Variants in PTPRO observed in about 807,000 individuals in gnomAD.
The protein encoded by PTPRO is protein tyrosine phosphatase receptor type O, also known as receptor-type tyrosine-protein phosphatase O.
Under a neutral mutation model 145.2 loss-of-function variants are expected in PTPRO, and 62 were observed. That is an observed-to-expected ratio of 0.43 (90% confidence interval 0.35 to 0.53). The LOEUF is 0.53. Among genes scored for constraint, PTPRO ranks in the 20% least tolerant of loss-of-function variants. The pLI is 0.01. For synonymous variants in PTPRO, 565 were observed against 514.7 expected (o/e 1.10, Z -1.32); for missense variants, 1,345 against 1,482.7 (o/e 0.91, Z 1.53).
At position 15,583,161 on chromosome 12, in the gene PTPRO, A is replaced by T. The variant is rs533816158; in HGVS notation, c.3255+1360A>T. ...GCCTTTTGGATAAAGCCCATGAGCT[A>T]AGAATGGTTTTTACATTTTTTAATG... On this transcript the variant is annotated intron_variant, in intron 23 of 26. Transcript: ENST00000281171. 3.3e-5 allele frequency among the ~76,000 whole-genome samples: 5 copies of T among 152,326 alleles called. No homozygotes were observed. In the East Asian group the frequency reaches 9.6e-4, roughly 29 times the overall value.
chr12:15,458,850 T>G (rs1366359304), intron 1 of PTPRO, among the ~76,000 whole-genome samples: 2 of 152,168 alleles, frequency 1.3e-5, no homozygotes, highest in Non-Finnish European at 2.9e-5. Context: ...TTCTGGAGAT[T>G]AATCTTGTAC....
chr12:15,448,349 A>AAAAAAAAAAAAAAAAAAAAAAAAAAC (rs1193102294), intron 1 of PTPRO, among the ~76,000 whole-genome samples: 2 of 147,374 alleles, frequency 1.4e-5, no homozygotes, highest in Non-Finnish European at 3.0e-5. Context: ...TAAAAAAAAA[A>AAAAAAAAAAAAAAAAAAAAAAAAAAC]AAAAAAAAAA....
intron 1 of PTPRO, among the ~76,000 whole-genome samples, chr12:15,455,696 G>C (rs1254003533): frequency 6.6e-6 from 1 of 152,082 alleles, no homozygotes; most frequent in African/African-American, 2.4e-5. Context: ...GATTTTGTAT[G>C]TTGATTTTGT....
Position 15,484,132 on chromosome 12 carries a change from G to T in PTPRO, c.234G>T (p.Leu78Phe). The T allele has an allele frequency of 2.5e-6, 4 of 1,613,756 alleles. No individual in the cohort carries two copies. The highest frequency in any genetic ancestry group is 3.4e-6 in the Non-Finnish European group (4 of 1,179,796). The part of the protein sequence containing the change: ...FFEFEEFNST[L>F]PPPVIFKASY... Reference sequence around the variant, plus strand: ...AATTTGAGGAATTCAACAGCACTTTGCCTCCTCCTGTTATTTTCAAGGCCA... The same window carrying T: ...AATTTGAGGAATTCAACAGCACTTTTCCTCCTCCTGTTATTTTCAAGGCCA... The change falls in exon 2 of 27, where the codon TTG (leucine) becomes TTT (phenylalanine). Residue 78 changes from leucine to phenylalanine, a missense_variant. Leu to Phe is a conservative substitution (Grantham distance 22). Transcript: ENST00000281171.
intron 7 of PTPRO, among the ~76,000 whole-genome samples, chr12:15,509,061 A>T (rs1258375177): frequency 6.6e-6 from 1 of 152,242 alleles, no homozygotes; most frequent in Non-Finnish European, 1.5e-5. Context: ...GGAAATTTTT[A>T]AACATCCTGC....
intron 7 of PTPRO, among the ~76,000 whole-genome samples, chr12:15,514,021 G>A (rs1048933039): frequency 2.6e-5 from 4 of 152,160 alleles, no homozygotes; most frequent in Admixed American, 2.6e-4. Context: ...GAAGGTCAAA[G>A]CAGCACCTTA....
chr12:15,359,565 G>A (rs1782738258), intron 1 of PTPRO, among the ~76,000 whole-genome samples: 1 of 141,508 alleles, frequency 7.1e-6, no homozygotes, highest in South Asian at 2.3e-4. Flanking sequence ...ACCACGCCTA[G>A]CTAATTTTAT....
rs1565675940 is a variant in PTPRO, at chr12:15,513,214, AAAGAAAG to A, written c.1465-2281_1465-2275del. Reference sequence around the variant, plus strand: ...GAAAGAAAGAAAGAAAGAAAGAAAGAAAGAAAGAAAGAAAAGAAAGAAAGAGGGAGGG... The same window carrying A: ...GAAAGAAAGAAAGAAAGAAAGAAAGAAAAGAAAAGAAAGAAAGAGGGAGGG... On this transcript the variant is annotated intron_variant, in intron 7 of 26. Coordinates refer to ENST00000281171, the MANE Select transcript of PTPRO (RefSeq NM_030667.3). 7.9e-5 allele frequency among the ~76,000 whole-genome samples: 10 copies of A among 127,346 alleles called. 1 individual carries two copies. Among genetic ancestry groups the A allele is most frequent in the Non-Finnish European group, 1.5e-4 (9 of 59,152 alleles). 83.5% of individuals were successfully genotyped at this position (127,346 alleles called of 152,430 possible).
chr12:15,525,388 T>C (rs746103252), intron 11 of PTPRO, among the ~76,000 whole-genome samples: 2 of 152,098 alleles, frequency 1.3e-5, no homozygotes, highest in Non-Finnish European at 2.9e-5. Context: ...ACTACTGTAA[T>C]AAAGAAACAA....
chr12:15,429,747 A>G (rs1205196284), intron 1 of PTPRO, among the ~76,000 whole-genome samples: 1 of 152,196 alleles, frequency 6.6e-6, no homozygotes, highest in African/African-American at 2.4e-5. Flanking sequence ...AATGTTCTGA[A>G]TGCAATGTAG....
chr12:15,566,456 G>A (rs760736993), intron 18 of PTPRO, among the ~76,000 whole-genome samples: 10 of 151,896 alleles, frequency 6.6e-5, no homozygotes, highest in Non-Finnish European at 1.2e-4. Flanking sequence ...TAATTTTATG[G>A]CATATATGAA....
chr12:15,515,366 G>A lies in PTPRO; in HGVS notation c.1465-132G>A, dbSNP rs115367462. On this transcript the variant is annotated intron_variant, in intron 7 of 26. Coordinates refer to ENST00000281171, the MANE Select transcript of PTPRO (RefSeq NM_030667.3). ...ATCATCCTAATTTTGGAATCTGACAGCTTCAGTAAAGCCTTCTGGATTTCA... is the reference window on the plus strand; with the variant it reads ...ATCATCCTAATTTTGGAATCTGACAACTTCAGTAAAGCCTTCTGGATTTCA... 1.5e-3 allele frequency: 1,727 copies of A among 1,187,646 alleles called. 23 individuals are homozygous for A. The African/African-American group carries it at 0.024, about 16-fold the overall frequency. 73.6% of individuals were successfully genotyped at this position (1,187,646 alleles called of 1,614,324 possible).
At position 15,341,389 on chromosome 12, in the gene PTPRO, T is replaced by C. The variant is rs77087697; in HGVS notation, c.75+18588T>C. Among the ~76,000 whole-genome samples, 989 of 152,280 alleles carry C rather than the reference T, an allele frequency of 6.5e-3. 10 individuals are homozygous for C. Among genetic ancestry groups the C allele is most frequent in the African/African-American group, 0.023 (948 of 41,580 alleles). ...AGAAAGTTATTAGTTAAGCAGGCTA[T>C]GTCATACCCCCTCCTCTGTAAATTG... On this transcript the variant is annotated intron_variant, in intron 1 of 26. Transcript: ENST00000281171.
intron 1 of PTPRO, among the ~76,000 whole-genome samples, chr12:15,482,014 C>A (rs1466761744): frequency 6.6e-6 from 1 of 152,028 alleles, no homozygotes; most frequent in African/African-American, 2.4e-5. Flanking sequence ...GGGTATCTAT[C>A]CAAAGGAAAG....
intron 1 of PTPRO, among the ~76,000 whole-genome samples, chr12:15,333,513 A>G (rs1289239819): frequency 6.6e-6 from 1 of 152,214 alleles, no homozygotes; most frequent in Non-Finnish European, 1.5e-5. Flanking sequence ...AGTGTTGAAT[A>G]AATAAATGGA....
At chr12:15,334,214 T>C (rs1278179506) in intron 1 of PTPRO, among the ~76,000 whole-genome samples, 1 of 152,202 alleles carries the variant, frequency 6.6e-6, no homozygotes, top group Non-Finnish European at 1.5e-5. Context: ...AATTTTATTG[T>C]TTATTTTTTT....
rs936914675 is a variant in PTPRO at position 15,597,812 on chromosome 12, T to C, written c.*1739T>C. On this transcript the variant is annotated 3_prime_UTR_variant, in exon 27 of 27. Coordinates refer to ENST00000281171, the MANE Select transcript of PTPRO (RefSeq NM_030667.3). ...ACCCCCGACTCCTTTATTTCCCTTT[T>C]TGGACATTTTAATAATGTGTCGCAC... Among the ~76,000 whole-genome samples the C allele has an allele frequency of 1.3e-5, 2 of 152,178 alleles. No homozygotes were observed.
intron 1 of PTPRO, among the ~76,000 whole-genome samples, chr12:15,395,811 A>T (rs1355761348): frequency 2.4e-4 from 16 of 65,820 alleles, no homozygotes; most frequent in Admixed American, 1.9e-3. Context: ...ATTAAAGATC[A>T]CACACACACA....
At chr12:15,483,580 C>T (rs80303460) in intron 1 of PTPRO, among the ~76,000 whole-genome samples, 2,536 of 152,190 alleles carry the variant, frequency 0.017, 93 homozygotes, top group African/African-American at 0.058. Flanking sequence ...AAGAGTACTT[C>T]TTTAAACCAT....
Sources: allele counts gnomAD v4.1 joint callset (sites outside exome capture counted in the v4.1 genomes callset), GRCh38; gene constraint gnomAD v4.1.1; transcripts MANE v1.5; gene names NCBI Gene and HGNC (gene_info 2026-07-23, HGNC 2026-07-21).